GALNTL6: variants seen among roughly 807,000 people sequenced by gnomAD.
The protein encoded by GALNTL6 is polypeptide N-acetylgalactosaminyltransferase-like 6.
A neutral mutation model predicts 73.7 loss-of-function variants in GALNTL6; 46 were observed. The ratio of observed to expected loss-of-function variants is 0.62; its 90% confidence interval spans 0.49 to 0.80. The LOEUF (loss-of-function observed/expected upper bound fraction) is 0.80, where lower values mean the gene tolerates loss of function less well. Ranked by LOEUF, GALNTL6 falls within the 30% of genes least tolerant of loss-of-function variation. GALNTL6 has a pLI of 0.00. For synonymous variants in GALNTL6, 259 were observed against 263.7 expected, an observed-to-expected ratio of 0.98 and a Z score of 0.17; for missense variants, 604 against 755.0, an observed-to-expected ratio of 0.80 and a Z score of 2.34.
intron 2 of GALNTL6, among the ~76,000 whole-genome samples, chr4:171,904,306 G>C (rs1036425528): frequency 1.3e-5 from 2 of 152,124 alleles, no homozygotes; most frequent in Admixed American, 6.5e-5. Flanking sequence ...TAAAGGAGCT[G>C]ATGGAGCTGA....
At chr4:171,924,575 C>G (rs1737916085) in intron 2 of GALNTL6, among the ~76,000 whole-genome samples, 1 of 152,118 alleles carries the variant, frequency 6.6e-6, no homozygotes, top group South Asian at 2.1e-4. Context: ...CTGCCCTTTT[C>G]TTTTTGACTC....
intron 5 of GALNTL6, among the ~76,000 whole-genome samples, chr4:172,424,131 T>C (rs1287447808): frequency 6.6e-6 from 1 of 152,148 alleles, no homozygotes; most frequent in Non-Finnish European, 1.5e-5. Context: ...TACTTTTGAT[T>C]TTTGACTTCA....
chr4:172,813,322 T>C (rs1199767813), intron 6 of GALNTL6, among the ~76,000 whole-genome samples: 8 of 152,224 alleles, frequency 5.3e-5, no homozygotes, highest in Non-Finnish European at 1.5e-5. Flanking sequence ...GACATAACTT[T>C]CTTAAAGGAA....
intron 5 of GALNTL6, among the ~76,000 whole-genome samples, chr4:172,747,233 T>C (rs1024194220): frequency 1.3e-5 from 2 of 151,898 alleles, no homozygotes; most frequent in Non-Finnish European, 2.9e-5. Flanking sequence ...AGACAACCCA[T>C]AGATGGGGAG....
chr4:172,361,898 G>A (rs745652605), intron 5 of GALNTL6, among the ~76,000 whole-genome samples: 8 of 152,048 alleles, frequency 5.3e-5, no homozygotes, highest in Non-Finnish European at 8.8e-5. Context: ...TACTTGTCAT[G>A]TACTCATGGG....
rs565780714 is a variant in GALNTL6, at chr4:172,605,272, C to T, written c.554-204089C>T. Among the ~76,000 whole-genome samples the T allele has an allele frequency of 4.6e-5, 7 of 152,206 alleles. No homozygotes were observed. The South Asian group carries it at 8.3e-4, about 18-fold the overall frequency. ...AAAGTATGAGGATTTCATCCCTCTA[C>T]GATTTTCTATTCTTGTATCTCCCTA... On this transcript the variant is annotated intron_variant, in intron 5 of 12. Coordinates refer to ENST00000506823, the MANE Select transcript of GALNTL6 (RefSeq NM_001034845.3).
chr4:172,497,659 T>C (rs1734112523), intron 5 of GALNTL6, among the ~76,000 whole-genome samples: 1 of 152,230 alleles, frequency 6.6e-6, no homozygotes, highest in South Asian at 2.1e-4. Context: ...TATGTAACAA[T>C]TATTCAAAAA....
intron 2 of GALNTL6, among the ~76,000 whole-genome samples, chr4:171,985,168 T>C (rs1224350105): frequency 1.3e-5 from 2 of 152,090 alleles, no homozygotes; most frequent in Non-Finnish European, 2.9e-5. Flanking sequence ...TTCACACCAC[T>C]GATAAAGATA....
At chr4:172,545,164 A>G (rs1338189794) in intron 5 of GALNTL6, among the ~76,000 whole-genome samples, 1 of 152,202 alleles carries the variant, frequency 6.6e-6, no homozygotes, top group Non-Finnish European at 1.5e-5. Context: ...ATAAGTATTT[A>G]ATGGACAACA....
chr4:172,658,263 A>G (rs1291128850), intron 5 of GALNTL6, among the ~76,000 whole-genome samples: 4 of 149,700 alleles, frequency 2.7e-5, no homozygotes, highest in African/African-American at 9.8e-5. Context: ...TCAGGAGCTC[A>G]AGACCATCCT....
At chr4:171,818,891 T>C (rs1734604721) in intron 2 of GALNTL6, among the ~76,000 whole-genome samples, 1 of 152,102 alleles carries the variant, frequency 6.6e-6, no homozygotes, top group Non-Finnish European at 1.5e-5. Flanking sequence ...GGGAGCCTTC[T>C]TTTTGAACAA....
At chr4:172,162,682 T>A (rs1734509424) in intron 2 of GALNTL6, among the ~76,000 whole-genome samples, 1 of 152,020 alleles carries the variant, frequency 6.6e-6, no homozygotes, top group Non-Finnish European at 1.5e-5. Flanking sequence ...AATTTTGCAT[T>A]CTCATTTGAA....
intron 4 of GALNTL6, among the ~76,000 whole-genome samples, chr4:172,327,221 T>A (rs1229333244): frequency 6.6e-6 from 1 of 152,136 alleles, no homozygotes; most frequent in African/African-American, 2.4e-5. Flanking sequence ...AAATATTTTT[T>A]AGTTTTGATT....
At chr4:172,105,449 T>A (rs189964275) in intron 2 of GALNTL6, among the ~76,000 whole-genome samples, 1 of 151,392 alleles carries the variant, frequency 6.6e-6, no homozygotes, top group East Asian at 1.9e-4. Context: ...TAACATAAAG[T>A]TTTTTTTTAA....
chr4:172,092,729 ATCTT>A (rs1458044470), intron 2 of GALNTL6, among the ~76,000 whole-genome samples: 3 of 152,032 alleles, frequency 2.0e-5, no homozygotes, highest in Non-Finnish European at 4.4e-5. Context: ...GACACACAGA[ATCTT>A]TCTCTTTTTC....
intron 5 of GALNTL6, among the ~76,000 whole-genome samples, chr4:172,804,881 T>C (rs368937773): frequency 2.0e-5 from 3 of 152,168 alleles, no homozygotes; most frequent in African/African-American, 7.2e-5. Context: ...TGAGTTTGTT[T>C]TTTGACTAGC....
intron 2 of GALNTL6, among the ~76,000 whole-genome samples, chr4:172,169,430 CTA>C (rs1409274298): frequency 7.2e-5 from 11 of 152,300 alleles, no homozygotes; most frequent in Non-Finnish European, 1.3e-4. Flanking sequence ...GATGCTTCAA[CTA>C]TATAAAAATA....
chr4:172,815,994 C>T, intron 7 of GALNTL6, among the ~76,000 whole-genome samples: 1 of 152,208 alleles, frequency 6.6e-6, no homozygotes. Context: ...ATTATCACGG[C>T]AGTCACCTGA....
intron 2 of GALNTL6, among the ~76,000 whole-genome samples, chr4:172,058,559 T>C (rs578063536): frequency 1.3e-5 from 2 of 152,270 alleles, no homozygotes; most frequent in African/African-American, 4.8e-5. Context: ...CATGTACACT[T>C]GCATGTGTGC....
Sources: allele counts gnomAD v4.1 joint callset (sites outside exome capture counted in the v4.1 genomes callset), GRCh38; gene constraint gnomAD v4.1.1; transcripts MANE v1.5; gene names NCBI Gene and HGNC (gene_info 2026-07-23, HGNC 2026-07-21).